The following CTNND2 variants were observed in gnomAD, a reference collection of about 807,000 sequenced individuals.
The protein encoded by CTNND2 is catenin delta-2.
In CTNND2, 22 loss-of-function variants were observed where a neutral mutation model predicts 144.4. That is an observed-to-expected ratio of 0.15 (90% CI 0.11 to 0.22). The LOEUF (loss-of-function observed/expected upper bound fraction) is 0.22. CTNND2 is among the 10% of genes least tolerant of loss of function. The pLI is 1.00. For missense variants in CTNND2, 1,353 were observed against 1,618.8 expected (o/e 0.84, Z 2.82); for synonymous variants, 751 against 695.6 (o/e 1.08, Z -1.25).
At chr5:10,997,261 A>G (rs768712280) in intron 18 of CTNND2, among the ~76,000 whole-genome samples, 8 of 152,172 alleles carry the variant, frequency 5.3e-5, no homozygotes, top group Non-Finnish European at 1.2e-4. Context: ...TATTTCAACA[A>G]TGTATGTGTC....
chr5:11,316,465 TTTTTTATTATTATTATTA>T (rs1163740429), intron 9 of CTNND2, among the ~76,000 whole-genome samples: 6 of 83,442 alleles, frequency 7.2e-5, no homozygotes, highest in East Asian at 2.6e-4. Flanking sequence ...TTATCCACTA[TTTTTTATTATTATTATTA>T]TTATTATTAT....
intron 9 of CTNND2, among the ~76,000 whole-genome samples, chr5:11,308,511 C>G (rs1750485762): frequency 6.6e-6 from 1 of 152,228 alleles, no homozygotes; most frequent in Non-Finnish European, 1.5e-5. Context: ...CAGTCTGTAG[C>G]TTGCCAATCC....
At chr5:11,844,214 T>C (rs1250092737) in intron 1 of CTNND2, among the ~76,000 whole-genome samples, 1 of 152,140 alleles carries the variant, frequency 6.6e-6, no homozygotes, top group Non-Finnish European at 1.5e-5. Flanking sequence ...AAAATAGGTG[T>C]TACTTAGGGA....
intron 3 of CTNND2, among the ~76,000 whole-genome samples, chr5:11,472,457 A>C (rs997985974): frequency 1.3e-5 from 2 of 152,146 alleles, no homozygotes; most frequent in African/African-American, 4.8e-5. Context: ...TTCTTCCCAG[A>C]TTCTTGCCTC....
intron 3 of CTNND2, among the ~76,000 whole-genome samples, chr5:11,452,990 T>A (rs1282875295): frequency 6.6e-6 from 1 of 152,176 alleles, no homozygotes; most frequent in Non-Finnish European, 1.5e-5. Context: ...CCTGTTGTGT[T>A]TGAAGTACTG....
intron 2 of CTNND2, among the ~76,000 whole-genome samples, chr5:11,692,241 T>C (rs1462556030): frequency 6.6e-6 from 1 of 152,218 alleles, no homozygotes; most frequent in Non-Finnish European, 1.5e-5. Context: ...TTTTTATTTT[T>C]TCCCTTTTAT....
chr5:11,595,782 C>T (rs577816789), intron 2 of CTNND2, among the ~76,000 whole-genome samples: 13 of 152,246 alleles, frequency 8.5e-5, no homozygotes, highest in African/African-American at 3.1e-4. Flanking sequence ...CAATTTCCAT[C>T]CAGTTATCAA....
chr5:11,187,250 T>G (rs1735728807), intron 11 of CTNND2, among the ~76,000 whole-genome samples: 1 of 152,090 alleles, frequency 6.6e-6, no homozygotes, highest in Non-Finnish European at 1.5e-5. Context: ...AGACTGTTTA[T>G]GAGAAACAGA....
intron 9 of CTNND2, among the ~76,000 whole-genome samples, chr5:11,260,130 A>G (rs967249603): frequency 6.6e-6 from 1 of 152,140 alleles, no homozygotes; most frequent in Non-Finnish European, 1.5e-5. Context: ...GCTGCTGTGA[A>G]GTGATGGAGA....
At chr5:11,538,843 T>C (rs1204224495) in intron 3 of CTNND2, among the ~76,000 whole-genome samples, 2 of 152,172 alleles carry the variant, frequency 1.3e-5, no homozygotes. Flanking sequence ...ATGACAAAGT[T>C]CTCATAAACA....
rs73045144 is a variant in CTNND2 at position 11,753,676 on chromosome 5, C to T, written c.38-21404G>A. On this transcript the variant is annotated intron_variant, in intron 1 of 21. Transcript: ENST00000304623. ...ACCAGGTTTTGCTATCAGGATGATG[C>T]TGTCCTCATAGAATAAGTTAGGGAG... Among the ~76,000 whole-genome samples the T allele has an allele frequency of 3.8e-3, 583 of 151,960 alleles. 5 individuals are homozygous for T. Among genetic ancestry groups the T allele is most frequent in the African/African-American group, 0.013 (548 of 41,516 alleles).
intron 2 of CTNND2, among the ~76,000 whole-genome samples, chr5:11,697,504 A>G (rs1785196642): frequency 6.6e-6 from 1 of 152,238 alleles, no homozygotes; most frequent in African/African-American, 2.4e-5. Flanking sequence ...AGTCAGTAAC[A>G]GTATACTGTA....
At chr5:11,147,247 C>G (rs1757327934) in intron 12 of CTNND2, among the ~76,000 whole-genome samples, 2 of 152,150 alleles carry the variant, frequency 1.3e-5, no homozygotes, top group Non-Finnish European at 2.9e-5. Context: ...GTGAGAAGTT[C>G]TGGATCAAAA....
At chr5:11,119,868 C>T (rs1468658752) in intron 12 of CTNND2, among the ~76,000 whole-genome samples, 1 of 152,206 alleles carries the variant, frequency 6.6e-6, no homozygotes, top group African/African-American at 2.4e-5. Context: ...GACTAATGTG[C>T]TCAGTCTTTC....
At chr5:11,178,574 A>G (rs751867507) in intron 11 of CTNND2, among the ~76,000 whole-genome samples, 1 of 152,186 alleles carries the variant, frequency 6.6e-6, no homozygotes, top group Non-Finnish European at 1.5e-5. Flanking sequence ...TATGATTAAC[A>G]ATGCGTCATA....
At chr5:11,051,839 C>A (rs556769587) in intron 16 of CTNND2, among the ~76,000 whole-genome samples, 2 of 152,282 alleles carry the variant, frequency 1.3e-5, no homozygotes, top group Admixed American at 6.5e-5. Context: ...TGTCCCAAAG[C>A]AACTGAGAAT....
chr5:11,889,720 AAAGT>A, intron 1 of CTNND2, among the ~76,000 whole-genome samples: 1 of 152,352 alleles, frequency 6.6e-6, no homozygotes, highest in Non-Finnish European at 1.5e-5. Context: ...AGATGAAATA[AAAGT>A]AAACACAGAA....
At chr5:11,051,196 C>A (rs1311857868) in intron 16 of CTNND2, among the ~76,000 whole-genome samples, 2 of 152,218 alleles carry the variant, frequency 1.3e-5, no homozygotes, top group East Asian at 1.9e-4. Flanking sequence ...CTCTAGGATG[C>A]AGTACATTTG....
chr5:11,296,442 A>G (rs1749015680), intron 9 of CTNND2, among the ~76,000 whole-genome samples: 1 of 152,220 alleles, frequency 6.6e-6, no homozygotes, highest in Non-Finnish European at 1.5e-5. Context: ...TCAGTGATCT[A>G]GAACTAGAAA....
Sources: gnomAD v4.1 joint callset for allele counts (sites outside exome capture counted in the v4.1 genomes callset) on GRCh38, gnomAD v4.1.1 for gene constraint, MANE v1.5 for transcripts, NCBI Gene and HGNC (gene_info 2026-07-23, HGNC 2026-07-21) for gene names.